Variants in RAB23 observed in about 807,000 individuals in gnomAD.
RAB23 encodes RAB23, member RAS oncogene family.
Under a neutral mutation model 30.0 loss-of-function variants are expected in RAB23, and 15 were observed. That is an observed-to-expected ratio of 0.50 (90% CI 0.33 to 0.77). The LOEUF (loss-of-function observed/expected upper bound fraction) is 0.77, where lower values mean the gene tolerates loss of function less well. Ranked by LOEUF, RAB23 falls within the 30% of genes least tolerant of loss-of-function variation. The probability of loss-of-function intolerance (pLI) is 0.02; values close to 1 mark genes in which losing one functional copy is unlikely to be tolerated. For missense variants in RAB23, 243 were observed against 275.4 expected (o/e 0.88, Z 0.83); for synonymous variants, 93 against 94.0 (o/e 0.99, Z 0.06).
In RAB23 at chr6:57,196,574, T is replaced by C; in HGVS notation, c.274A>G (p.Thr92Ala). ...ACTGCTTCAAAAGATTCCCTATCTG[T>C]GGTAGAGAACACGAGCACACAAGCC... is the stretch of plus-strand genomic sequence containing the variant. The part of the protein sequence containing the change: ...AQACVLVFST[T>A]DRESFEAVSS... The change falls in exon 4 of 7, where the codon ACA (threonine) becomes GCA (alanine). Residue 92 changes from threonine (T) to alanine (A), a missense_variant. Transcript: ENST00000468148. 6.2e-7 allele frequency: 1 copy of C among 1,613,990 alleles called. No homozygotes were observed. Among genetic ancestry groups the C allele is most frequent in the Non-Finnish European group, 8.5e-7 (1 of 1,179,954 alleles).
chr6:57,196,378 AC>A, intron 4 of RAB23, 71 bp downstream of exon 4: 2 of 1,572,658 alleles, frequency 1.3e-6, no homozygotes, highest in Non-Finnish European at 1.7e-6. Flanking sequence ...AACCTGTAAA[AC>A]TATGCAAAAA....
At chr6:57,216,077 T>C (rs1765823854) in intron 1 of RAB23, among the ~76,000 whole-genome samples, 1 of 152,366 alleles carries the variant, frequency 6.6e-6, no homozygotes, top group South Asian at 2.1e-4. Flanking sequence ...TGTGTTTAAA[T>C]ATGTTTAGAT....
At position 57,210,407 on chromosome 6, in the gene RAB23, C is replaced by T. The variant is rs555055242; in HGVS notation, c.-27G>A. On this transcript the variant is annotated 5_prime_UTR_variant, in exon 2 of 7. Coordinates refer to ENST00000468148, the MANE Select transcript of RAB23 (RefSeq NM_016277.5). ...TTTGGAGCTGAAATGGTTTCTGTAC[C>T]AACTCTAATTCTAGGAGATCAGATC... 1.2e-6 allele frequency: 2 copies of T among 1,609,384 alleles called. No individual in the cohort carries two copies. Among genetic ancestry groups the T allele is most frequent in the South Asian group, 2.2e-5 (2 of 90,982 alleles).
chr6:57,190,727 C>A lies in RAB23; in HGVS notation c.575-127G>T, dbSNP rs971705157. On this transcript the variant is annotated intron_variant, in intron 6 of 6. Transcript: ENST00000468148. ...GTTTCTCTAAAATTGTAGTAAAATC[C>A]AACAAAATTTAGCATCTTAACCATT... 4.1e-5 allele frequency: 53 copies of A among 1,283,482 alleles called. No homozygotes were observed. The Middle Eastern group carries it at 9.4e-4, about 23-fold the overall frequency. 79.5% of individuals were successfully genotyped at this position (1,283,482 alleles called of 1,614,324 possible).
chr6:57,214,062 T>G (rs1019738165), intron 1 of RAB23, among the ~76,000 whole-genome samples: 1 of 152,052 alleles, frequency 6.6e-6, no homozygotes, highest in Admixed American at 6.5e-5. Flanking sequence ...AGAGACCATG[T>G]GGGAGCCTGA....
chr6:57,218,410 A>C (rs552665612), intron 1 of RAB23, among the ~76,000 whole-genome samples: 2 of 152,350 alleles, frequency 1.3e-5, no homozygotes, highest in Middle Eastern at 3.4e-3. Context: ...CTCAAAAAAC[A>C]ATCAATGTAA....
At chr6:57,191,236 CCA>C (rs930249162) in intron 6 of RAB23, among the ~76,000 whole-genome samples, 1 of 152,008 alleles carries the variant, frequency 6.6e-6, no homozygotes, top group Non-Finnish European at 1.5e-5. Flanking sequence ...TCTTTTTTAC[CCA>C]GATTTTCACC....
Position 57,188,790 on chromosome 6 carries a change from T to TTTAA in RAB23, c.*1667_*1670dup, listed in dbSNP as rs535793575. The TTTAA allele has an allele frequency of 7.2e-5, 11 of 152,322 alleles. No homozygotes were observed. The highest frequency in any genetic ancestry group is 1.7e-4 in the African/African-American group (7 of 41,584). The allele number at this position is 152,322 out of a possible 1,614,324, so 9.4% of individuals were successfully genotyped here. ...TATAATGAAAAGCAAAAATTTACTT[T>TTTAA]TTAATTTTTTTTATTTTTCCATCTA... On this transcript the variant is annotated 3_prime_UTR_variant, in exon 7 of 7. Transcript: ENST00000468148.
intron 3 of RAB23, among the ~76,000 whole-genome samples, chr6:57,207,177 A>G (rs1765482312): frequency 6.6e-6 from 1 of 152,250 alleles, no homozygotes; most frequent in South Asian, 2.1e-4. Flanking sequence ...TTCTTTAGTC[A>G]TGGTTCCTTC....
chr6:57,192,913 G>A (rs898610815), intron 6 of RAB23, among the ~76,000 whole-genome samples: 2 of 152,160 alleles, frequency 1.3e-5, no homozygotes, highest in Non-Finnish European at 2.9e-5. Context: ...ACTCAGGAAA[G>A]ATCAAGACCT....
intron 4 of RAB23, among the ~76,000 whole-genome samples, chr6:57,195,788 C>T (rs1042670523): frequency 6.6e-6 from 1 of 152,168 alleles, no homozygotes; most frequent in African/African-American, 2.4e-5. Context: ...CATGAAAAAC[C>T]ACCAGCTAAG....
rs1159890588 is a variant in RAB23 at position 57,188,142 on chromosome 6, A to G, written c.*2319T>C. 6.6e-6 allele frequency: 1 copy of G among 152,200 alleles called. No individual in the cohort carries two copies. Among genetic ancestry groups the G allele is most frequent in the Non-Finnish European group, 1.5e-5 (1 of 68,014 alleles). 9.4% of individuals were successfully genotyped at this position (152,200 alleles called of 1,614,324 possible). A position where few individuals can be genotyped will look rare whatever the true frequency, so the allele number is the denominator to read the frequency against. ...TTGGAAAAGTTTTTCTTTAGTATACATGGTTTCATAAAATTAAAGTTATTT... is the reference window on the plus strand; with the variant it reads ...TTGGAAAAGTTTTTCTTTAGTATACGTGGTTTCATAAAATTAAAGTTATTT... On this transcript the variant is annotated 3_prime_UTR_variant, in exon 7 of 7. Transcript: ENST00000468148.
chr6:57,198,269 A>G (rs1765101827), intron 3 of RAB23, among the ~76,000 whole-genome samples: 1 of 152,182 alleles, frequency 6.6e-6, no homozygotes, highest in Non-Finnish European at 1.5e-5. Context: ...AAAATTATGT[A>G]ATCATATTTT....
Position 57,196,387 on chromosome 6 carries a change from A to G in RAB23, c.398+63T>C, listed in dbSNP as rs1183690711. The G allele has an allele frequency of 3.1e-6, 5 of 1,596,032 alleles. No individual in the cohort carries two copies. The South Asian group carries it at 5.5e-5, about 18-fold the overall frequency. On this transcript the variant is annotated intron_variant, in intron 4 of 6. Coordinates refer to ENST00000468148, the MANE Select transcript of RAB23 (RefSeq NM_016277.5). The stretch of plus-strand genomic sequence containing the variant: ...TCCTAGAACCTGTAAAACTATGCAA[A>G]AATTAAGATGTCTTAACTTTATAGA...
chr6:57,215,995 G>A (rs769563278), intron 1 of RAB23, among the ~76,000 whole-genome samples: 59 of 152,204 alleles, frequency 3.9e-4, no homozygotes, highest in African/African-American at 1.4e-3. Context: ...ACAACATTTC[G>A]GTCAATGATG....
chr6:57,201,529 T>C (rs1467444237), intron 3 of RAB23, among the ~76,000 whole-genome samples: 1 of 152,226 alleles, frequency 6.6e-6, no homozygotes, highest in Non-Finnish European at 1.5e-5. Context: ...TCTTAGCTCA[T>C]ATTTGTCCTA....
chr6:57,205,933 A>C (rs915292606), intron 3 of RAB23, among the ~76,000 whole-genome samples: 1 of 152,230 alleles, frequency 6.6e-6, no homozygotes, highest in African/African-American at 2.4e-5. Context: ...GGATTCCCAA[A>C]GTTAAGGCAA....
intron 3 of RAB23, among the ~76,000 whole-genome samples, chr6:57,199,462 G>A (rs1165757360): frequency 2.6e-5 from 4 of 152,196 alleles, no homozygotes; most frequent in East Asian, 1.9e-4. Flanking sequence ...CCCATGTGGC[G>A]CAGTGGGAAG....
In RAB23 at chr6:57,188,027, C is replaced by CAGTT. The variant is rs1440246813; in HGVS notation, c.*2430_*2433dup. On this transcript the variant is annotated 3_prime_UTR_variant, in exon 7 of 7. Transcript: ENST00000468148. The stretch of plus-strand genomic sequence containing the variant: ...AAACCTGAGGAACTCTGAAATATGG[C>CAGTT]AGTTATTCCACAGCGATATGTCTAC... 6.6e-6 allele frequency: 1 copy of CAGTT among 152,042 alleles called. No homozygotes were observed. The allele number at this position is 152,042 out of a possible 1,614,324, so 9.4% of individuals were successfully genotyped here.
Sources: gnomAD v4.1 joint callset for allele counts (sites outside exome capture counted in the v4.1 genomes callset) on GRCh38, gnomAD v4.1.1 for gene constraint, MANE v1.5 for transcripts, NCBI Gene and HGNC (gene_info 2026-07-23, HGNC 2026-07-21) for gene names.